The following ERC2 variants were observed in gnomAD, a reference collection of about 807,000 sequenced individuals.
ERC2 encodes ERC protein 2.
ERC2 carries 42 observed loss-of-function variants against 114.8 expected under a neutral mutation model. The observed-to-expected ratio is 0.37, with a 90% CI of 0.29 to 0.47. The LOEUF (loss-of-function observed/expected upper bound fraction) is 0.47. Among genes scored for constraint, ERC2 ranks in the 20% least tolerant of loss-of-function variants. The probability of loss-of-function intolerance (pLI) is 0.99; values close to 1 mark genes in which losing one functional copy is unlikely to be tolerated. For missense variants in ERC2, 939 were observed against 1,150.7 expected, an observed-to-expected ratio of 0.82 and a Z score of 2.66; for synonymous variants, 454 against 425.5, an observed-to-expected ratio of 1.07 and a Z score of -0.82.
At chr3:55,965,103 C>T (rs1023591436) in intron 12 of ERC2, among the ~76,000 whole-genome samples, 1 of 152,162 alleles carries the variant, frequency 6.6e-6, no homozygotes, top group Admixed American at 6.5e-5. Context: ...TCACCTTTGC[C>T]ATATTCTATC....
chr3:55,621,415 TG>T (rs879620222), intron 17 of ERC2, among the ~76,000 whole-genome samples: 1 of 152,152 alleles, frequency 6.6e-6, no homozygotes, highest in Non-Finnish European at 1.5e-5. Context: ...GGGACATATT[TG>T]GGGAGTTCAT....
intron 17 of ERC2, among the ~76,000 whole-genome samples, chr3:55,539,462 G>A (rs1322713642): frequency 1.2e-4 from 9 of 76,088 alleles, no homozygotes; most frequent in Admixed American, 8.6e-4. Flanking sequence ...TTGCTCTGTC[G>A]CCCAGACTGG....
chr3:55,903,201 T>C (rs1358704520), intron 13 of ERC2, among the ~76,000 whole-genome samples: 1 of 152,232 alleles, frequency 6.6e-6, no homozygotes, highest in Non-Finnish European at 1.5e-5. Flanking sequence ...TTCTACGATG[T>C]ATGTCTTTAA....
intron 10 of ERC2, among the ~76,000 whole-genome samples, chr3:56,000,999 T>G (rs372241896): frequency 1.3e-5 from 2 of 150,494 alleles, no homozygotes; most frequent in African/African-American, 4.9e-5. Flanking sequence ...GGAGGAATAG[T>G]TCATTATATG....
At chr3:56,161,412 A>G (rs571044314) in intron 4 of ERC2, among the ~76,000 whole-genome samples, 36 of 152,358 alleles carry the variant, frequency 2.4e-4, no homozygotes, top group African/African-American at 8.4e-4. Flanking sequence ...GAAGTTTAGA[A>G]AAGTTTTTTC....
At chr3:56,124,994 A>G (rs1302368482) in intron 6 of ERC2, among the ~76,000 whole-genome samples, 1 of 152,176 alleles carries the variant, frequency 6.6e-6, no homozygotes, top group Non-Finnish European at 1.5e-5. Context: ...ATCTTACTCT[A>G]TTGTATTTCA....
intron 1 of ERC2, among the ~76,000 whole-genome samples, chr3:56,441,017 C>A (rs187825783): frequency 7.2e-5 from 11 of 152,306 alleles, no homozygotes; most frequent in African/African-American, 2.6e-4. Flanking sequence ...GGCCTTGTGA[C>A]CTGCTTAGAC....
Position 56,311,819 on chromosome 3 carries a change from A to ATGTATG in ERC2, c.658-15385_658-15384insCATACA, listed in dbSNP as rs2056598321. Among the ~76,000 whole-genome samples the ATGTATG allele has an allele frequency of 4.9e-5, 7 of 142,962 alleles. No individual in the cohort carries two copies. The South Asian group carries it at 1.6e-3, about 33-fold the overall frequency. 93.8% of individuals were successfully genotyped at this position (142,962 alleles called of 152,430 possible). A position where few individuals can be genotyped will look rare whatever the true frequency, so the allele number is the denominator to read the frequency against. Reference sequence around the variant, plus strand: ...GCCAGGTTAAATTATATACATATAAATGTGTGTGTGTGTGTGTGTGTGTGT... The same window carrying ATGTATG: ...GCCAGGTTAAATTATATACATATAAATGTATGTGTGTGTGTGTGTGTGTGTGTGTGT... On this transcript the variant is annotated intron_variant, in intron 2 of 17. Transcript: ENST00000288221.
At chr3:55,782,723 A>G (rs2069157468) in intron 14 of ERC2, among the ~76,000 whole-genome samples, 2 of 152,130 alleles carry the variant, frequency 1.3e-5, no homozygotes, top group Admixed American at 6.5e-5. Context: ...TGACAATATG[A>G]CAGACTCGCC....
chr3:55,751,008 CA>C (rs2066668217), intron 14 of ERC2, among the ~76,000 whole-genome samples: 1 of 152,162 alleles, frequency 6.6e-6, no homozygotes, highest in Non-Finnish European at 1.5e-5. Flanking sequence ...ATTAGGTTAG[CA>C]AGCATATGTT....
chr3:55,568,625 T>A (rs942538268), intron 17 of ERC2, among the ~76,000 whole-genome samples: 1 of 152,336 alleles, frequency 6.6e-6, no homozygotes. Flanking sequence ...TGCCATCACC[T>A]TGGTCCAAAC....
chr3:56,091,220 G>A (rs1029223628), intron 6 of ERC2, among the ~76,000 whole-genome samples: 3 of 152,094 alleles, frequency 2.0e-5, no homozygotes, highest in Admixed American at 2.0e-4. Flanking sequence ...GTGGAGAGGG[G>A]GCACGTGGCT....
rs558170586 is a variant in ERC2, at chr3:56,196,378, A to AAGTAT, written c.1075-22863_1075-22859dup. On this transcript the variant is annotated intron_variant, in intron 3 of 17. Coordinates refer to ENST00000288221, the MANE Select transcript of ERC2 (RefSeq NM_015576.3). ...GAAAAGCACTAGAATAGGTAAATTT[A>AAGTAT]AGTATATTAAAAATACAGCCCATTT... Among the ~76,000 whole-genome samples, 393 of 152,320 alleles carry AAGTAT rather than the reference A, an allele frequency of 2.6e-3. 1 individual carries two copies. Among genetic ancestry groups the AAGTAT allele is most frequent in the South Asian group, 0.018 (87 of 4,816 alleles).
At chr3:55,656,398 C>T (rs569684624) in intron 17 of ERC2, among the ~76,000 whole-genome samples, 77 of 152,100 alleles carry the variant, frequency 5.1e-4, no homozygotes, top group Non-Finnish European at 9.4e-4. Flanking sequence ...CTCAAGTAAT[C>T]CTCCCACCTT....
At chr3:55,518,173 C>T (rs1167055624) in intron 17 of ERC2, among the ~76,000 whole-genome samples, 1 of 152,164 alleles carries the variant, frequency 6.6e-6, no homozygotes, top group Non-Finnish European at 1.5e-5. Context: ...AATTGCTCCA[C>T]TTGACAACCA....
intron 2 of ERC2, among the ~76,000 whole-genome samples, chr3:56,368,261 T>C (rs1198813459): frequency 1.3e-5 from 2 of 152,050 alleles, no homozygotes; most frequent in Non-Finnish European, 2.9e-5. Flanking sequence ...CAATTTCTAT[T>C]GGGTAAAAGT....
At chr3:55,941,885 G>GT in intron 13 of ERC2, among the ~76,000 whole-genome samples, 1 of 152,210 alleles carries the variant, frequency 6.6e-6, no homozygotes, top group South Asian at 2.1e-4. Flanking sequence ...AGTTACCCTA[G>GT]TTTTAAAGAC....
chr3:55,992,153 C>T lies in ERC2; in HGVS notation c.2159G>A (p.Gly720Asp). 1 of 1,613,946 alleles carries T rather than the reference C, an allele frequency of 6.2e-7. No homozygotes were observed. The highest frequency in any genetic ancestry group is 1.1e-5 in the South Asian group (1 of 91,084). Residue 720 changes from glycine to aspartate, a missense_variant, in exon 11 of 18, where the codon GGC (glycine) becomes GAC (aspartate). By Grantham distance (94) the Gly-to-Asp change is moderately conservative. Coordinates refer to ENST00000288221, the MANE Select transcript of ERC2 (RefSeq NM_015576.3). The part of the protein sequence containing the change: ...KEASYYRDEC[G>D]KAQAEVDRLL... ...CCGGTCCACTTCCGCTTGGGCCTTG[C>T]CACACTCGTCGCGGTAGTAAGACGC...
intron 17 of ERC2, among the ~76,000 whole-genome samples, chr3:55,615,880 C>G (rs2059105263): frequency 6.6e-6 from 1 of 152,192 alleles, no homozygotes. Context: ...CTCTGCATAT[C>G]CTCTTTCGGG....
Sources: allele counts gnomAD v4.1 joint callset (sites outside exome capture counted in the v4.1 genomes callset), GRCh38; gene constraint gnomAD v4.1.1; transcripts MANE v1.5; gene names NCBI Gene and HGNC (gene_info 2026-07-23, HGNC 2026-07-21).